UBR2: variants seen among roughly 807,000 people sequenced by gnomAD.
UBR2 encodes E3 ubiquitin-protein ligase UBR2.
In UBR2, 92 loss-of-function variants were observed where a neutral mutation model predicts 247.9. The observed-to-expected ratio is 0.37, with a 90% confidence interval of 0.31 to 0.44. The LOEUF is 0.44. UBR2 is among the 20% of genes least tolerant of loss of function. The pLI, the probability that UBR2 is intolerant of heterozygous loss-of-function variation, is 1.00. For synonymous variants in UBR2, 672 were observed against 693.5 expected (o/e 0.97, Z 0.49); for missense variants, 1,613 against 2,112.6 (o/e 0.76, Z 4.64).
At chr6:42,679,329 A>G (rs1414006672) in intron 41 of UBR2, among the ~76,000 whole-genome samples, 1 of 152,264 alleles carries the variant, frequency 6.6e-6, no homozygotes, top group Non-Finnish European at 1.5e-5. Flanking sequence ...AGTGATGATT[A>G]GAGTTGGTAT....
intron 40 of UBR2, among the ~76,000 whole-genome samples, chr6:42,678,166 C>T (rs1798824145): frequency 6.6e-6 from 1 of 152,204 alleles, no homozygotes; most frequent in African/African-American, 2.4e-5. Context: ...GAAACCCCGT[C>T]TCTACTAAAA....
In UBR2 at chr6:42,689,212, T is replaced by G. The variant is rs563806522; in HGVS notation, c.5025-357T>G. ...GGCAAGGTGTAAGCCATTTCAGGGT[T>G]TGAAGCAGAGGCATGACATGAGTGT... On this transcript the variant is annotated intron_variant, in intron 45 of 46. Transcript: ENST00000372901. This position sits in a 1 kb window ranked among gnomAD's most constrained non-coding sequence, Gnocchi z 4.0. 2.6e-5 allele frequency among the ~76,000 whole-genome samples: 4 copies of G among 152,316 alleles called. No homozygotes were observed. Among genetic ancestry groups the G allele is most frequent in the East Asian group, 3.9e-4 (2 of 5,178 alleles).
At chr6:42,666,315 G>T in intron 34 of UBR2, 70 bp downstream of exon 34, 1 of 1,377,494 alleles carries the variant, frequency 7.3e-7, no homozygotes, top group South Asian at 1.3e-5. Flanking sequence ...GCAGTTAGGA[G>T]GAATATGATT....
intron 24 of UBR2, 116 bp from the exon 25 acceptor site, chr6:42,652,374 AG>A: frequency 8.3e-7 from 1 of 1,205,542 alleles, no homozygotes; most frequent in African/African-American, 1.5e-5. Flanking sequence ...GTAAAATAAT[AG>A]CTTTAAGGTG....
At chr6:42,606,777 T>C in intron 7 of UBR2, 126 bp downstream of exon 7, 1 of 744,294 alleles carries the variant, frequency 1.3e-6, no homozygotes, top group Non-Finnish European at 2.1e-6. Flanking sequence ...TTAAAGATAA[T>C]GTTTCTTAAA....
At chr6:42,616,803 T>A (rs902344155) in intron 10 of UBR2, among the ~76,000 whole-genome samples, 2 of 152,188 alleles carry the variant, frequency 1.3e-5, no homozygotes, top group African/African-American at 4.8e-5. Flanking sequence ...ACATGTGTTG[T>A]GTTCCATTCT....
chr6:42,614,416 G>GTACATACATACGTATATATGTATC (rs1794389240), intron 8 of UBR2, among the ~76,000 whole-genome samples: 1 of 43,006 alleles, frequency 2.3e-5, no homozygotes, highest in African/African-American at 7.6e-5. Flanking sequence ...ATGTATGTAC[G>GTACATACATACGTATATATGTATC]TACGTACATA....
At chr6:42,687,066 C>T (rs1235560836) in intron 44 of UBR2, among the ~76,000 whole-genome samples, 14 of 152,198 alleles carry the variant, frequency 9.2e-5, no homozygotes, top group Non-Finnish European at 1.0e-4. Flanking sequence ...AGACGCTCGT[C>T]ACTTCCTAGA....
At chr6:42,662,073 A>G (rs1180297902) in intron 30 of UBR2, 111 bp from the exon 31 acceptor site, 2 of 655,360 alleles carry the variant, frequency 3.1e-6, no homozygotes, top group Admixed American at 3.0e-5. Context: ...CTAGCATTTC[A>G]TTTCAAATTT....
At chr6:42,657,455 A>C (rs1177393239) in intron 26 of UBR2, among the ~76,000 whole-genome samples, 1 of 152,218 alleles carries the variant, frequency 6.6e-6, no homozygotes, top group Non-Finnish European at 1.5e-5. Context: ...ACACAGGTCA[A>C]TCTCTTCCCC....
At chr6:42,651,312 T>A (rs1797096666) in intron 23 of UBR2, among the ~76,000 whole-genome samples, 1 of 151,976 alleles carries the variant, frequency 6.6e-6, no homozygotes, top group South Asian at 2.1e-4. Context: ...ACATAAAGCT[T>A]TTATTTAGTT....
chr6:42,614,195 AAAAAAAAAAAC>A (rs1172207789), intron 8 of UBR2, among the ~76,000 whole-genome samples: 1,106 of 86,656 alleles, frequency 0.013, 56 homozygotes, highest in African/African-American at 0.025. Context: ...AAAAAAAAAA[AAAAAAAAAAAC>A]TATATATATA....
intron 2 of UBR2, among the ~76,000 whole-genome samples, chr6:42,581,209 A>T (rs1218204427): frequency 6.8e-6 from 1 of 147,274 alleles, no homozygotes; most frequent in African/African-American, 2.5e-5. Flanking sequence ...TTTTTCTCCG[A>T]GACGGAGTCT....
Position 42,564,417 on chromosome 6 carries a change from C to A in UBR2, c.78+20C>A. 6.2e-7 allele frequency: 1 copy of A among 1,603,216 alleles called. No individual in the cohort carries two copies. The highest frequency in any genetic ancestry group is 8.5e-7 in the Non-Finnish European group (1 of 1,175,506). ...GCGGGGGTGAGTGCCGGAACCCGGG[C>A]GGGTGCGTCTGCCCCTCGCAGGCCG... On this transcript the variant is annotated intron_variant, in intron 1 of 46. Transcript: ENST00000372901.
chr6:42,618,210 G>T (rs1794681694), intron 11 of UBR2, among the ~76,000 whole-genome samples: 1 of 152,118 alleles, frequency 6.6e-6, no homozygotes, highest in Admixed American at 6.6e-5. Flanking sequence ...AATAACAAGA[G>T]ACCTGTCCTT....
At chr6:42,567,784 C>G (rs565271388) in intron 1 of UBR2, among the ~76,000 whole-genome samples, 2 of 152,040 alleles carry the variant, frequency 1.3e-5, no homozygotes, top group Non-Finnish European at 2.9e-5. Context: ...GCCAGTAATC[C>G]CAGCTATTTG....
In UBR2 at chr6:42,655,713, G is replaced by A. The variant is rs901935815; in HGVS notation, c.2862G>A (p.Gln954=). The change falls in exon 26 of 47, where the codon CAG becomes CAA. Residue 954 remains glutamine, a synonymous_variant. Transcript: ENST00000372901. The stretch of plus-strand genomic sequence containing the variant: ...ATGTAGTAACATTTACCTTCACTCA[G>A]AAGATATCAAGTATGTATATATCTT... ...EEHVVTFTFT[Q]KISKPGEAPK... is the part of the protein sequence containing the mutation. 17 of 1,535,610 alleles carry A rather than the reference G, an allele frequency of 1.1e-5. No individual in the cohort carries two copies. Among genetic ancestry groups the A allele is most frequent in the Middle Eastern group, 3.4e-4 (2 of 5,802 alleles).
chr6:42,631,860 T>TTATATATATATATA (rs59218885), intron 11 of UBR2, among the ~76,000 whole-genome samples: 3 of 61,506 alleles, frequency 4.9e-5, no homozygotes, highest in African/African-American at 1.0e-4. Context: ...TACTCTGATT[T>TTATATATATATATA]TATATATATA....
chr6:42,650,414 G>C (rs184785228), intron 23 of UBR2, 28 bp downstream of exon 23: 2 of 1,565,296 alleles, frequency 1.3e-6, no homozygotes, highest in Non-Finnish European at 8.8e-7. Flanking sequence ...AAATGTAGCA[G>C]GGAAGGATTG....
Sources: gnomAD v4.1 joint callset for allele counts (sites outside exome capture counted in the v4.1 genomes callset) on GRCh38, gnomAD v4.1.1 for gene constraint, Gnocchi (gnomAD v3.1) non-coding constraint, MANE v1.5 for transcripts, NCBI Gene and HGNC (gene_info 2026-07-23, HGNC 2026-07-21) for gene names.